Variants in GNL2 observed in about 807,000 individuals in gnomAD.
The protein encoded by GNL2 is nucleolar GTP-binding protein 2.
In GNL2, 51 loss-of-function variants were observed where a neutral mutation model predicts 92.3. The observed-to-expected ratio is 0.55, with a 90% confidence interval of 0.44 to 0.70. The LOEUF (loss-of-function observed/expected upper bound fraction) is 0.70. Ranked by LOEUF, GNL2 falls within the 30% of genes least tolerant of loss-of-function variation. GNL2 has a pLI of 0.00. For synonymous variants in GNL2, 283 were observed against 300.6 expected (o/e 0.94, Z 0.61); for missense variants, 844 against 895.6 (o/e 0.94, Z 0.74).
intron 8 of GNL2, among the ~76,000 whole-genome samples, chr1:37,579,323 G>A (rs991954311): frequency 6.6e-6 from 1 of 152,102 alleles, no homozygotes; most frequent in Non-Finnish European, 1.5e-5. Flanking sequence ...CGAGGGGGGC[G>A]GATCACCTGA....
intron 12 of GNL2, 185 bp from the exon 13 acceptor site, chr1:37,569,487 T>C (rs1643563053): frequency 1.7e-6 from 1 of 575,836 alleles, no homozygotes; most frequent in Non-Finnish European, 3.1e-6. Flanking sequence ...CAGAGATCAG[T>C]ACTAGGATCA....
rs534075709 is a variant in GNL2 at position 37,584,959 on chromosome 1, G to A, written c.570-1026C>T. The stretch of plus-strand genomic sequence containing the variant: ...TAGCCAGACGTGGTGGCGGGCACCT[G>A]TAATCCCAGCCACTCGGGAGGCTGA... On this transcript the variant is annotated intron_variant, in intron 5 of 15. Coordinates refer to ENST00000373062, the MANE Select transcript of GNL2 (RefSeq NM_013285.3). 3.9e-3 allele frequency among the ~76,000 whole-genome samples: 590 copies of A among 151,588 alleles called. 2 individuals carry two copies. Among genetic ancestry groups the A allele is most frequent in the Non-Finnish European group, 6.7e-3 (454 of 67,854 alleles).
In GNL2 at chr1:37,574,664, C is replaced by T; in HGVS notation, c.1302+1G>A. On this transcript the variant is annotated splice_donor_variant, in intron 11 of 15. Transcript: ENST00000373062. LOFTEE classifies it high-confidence loss of function. Reference sequence around the variant, plus strand: ...CTAAATTCTCACAAACGCCGGGTCACCTTTAGTAACTTCCCAGTCCGGAAA... The same window carrying T: ...CTAAATTCTCACAAACGCCGGGTCATCTTTAGTAACTTCCCAGTCCGGAAA... The T allele has an allele frequency of 3.1e-6, 5 of 1,613,560 alleles. No homozygotes were observed. The highest frequency in any genetic ancestry group is 4.2e-6 in the Non-Finnish European group (5 of 1,179,736).
intron 9 of GNL2, chr1:37,576,070 T>C: frequency 3.2e-6 from 1 of 314,060 alleles, no homozygotes; most frequent in Non-Finnish European, 5.9e-6. Flanking sequence ...TTCTAGGATA[T>C]GACCCCCAAC....
Position 37,587,290 on chromosome 1 carries a change from G to A in GNL2, c.569+21C>T, listed in dbSNP as rs779266726. Reference sequence around the variant, plus strand: ...TCAAAAAAAAAAAAACAAAAACAAAGAAGCAAAAAAAAAAATGTACCTCAC... The same window carrying A: ...TCAAAAAAAAAAAAACAAAAACAAAAAAGCAAAAAAAAAAATGTACCTCAC... On this transcript the variant is annotated intron_variant, in intron 5 of 15. Transcript: ENST00000373062. 1.7e-4 allele frequency: 243 copies of A among 1,427,610 alleles called. 1 individual carries two copies. Among genetic ancestry groups the A allele is most frequent in the East Asian group, 1.5e-4 (6 of 40,508 alleles). 88.4% of individuals were successfully genotyped at this position (1,427,610 alleles called of 1,614,324 possible).
intron 13 of GNL2, 56 bp from the exon 14 acceptor site, chr1:37,568,413 G>T: frequency 9.4e-7 from 1 of 1,068,406 alleles, no homozygotes. Context: ...ATCACATACT[G>T]ACCTGGAGAC....
At position 37,592,826 on chromosome 1, in the gene GNL2, G is replaced by GAT; in HGVS notation, c.150-22_150-21dup. 3 of 1,350,842 alleles carry GAT rather than the reference G, an allele frequency of 2.2e-6. No individual in the cohort carries two copies. In the South Asian group the frequency reaches 3.6e-5, roughly 16 times the overall value. 83.7% of individuals were successfully genotyped at this position (1,350,842 alleles called of 1,614,324 possible). A position where few individuals can be genotyped will look rare whatever the true frequency, so the allele number is the denominator to read the frequency against. ...CTGTTCCTAAATTGAGGAAAGAACA[G>GAT]ATATTGGTTGACAACAGAAAAATGG... On this transcript the variant is annotated intron_variant, in intron 2 of 15. Transcript: ENST00000373062.
At chr1:37,579,339 G>A (rs950184250) in intron 8 of GNL2, among the ~76,000 whole-genome samples, 1 of 151,622 alleles carries the variant, frequency 6.6e-6, no homozygotes, top group Non-Finnish European at 1.5e-5. Flanking sequence ...CCTGAGGTCG[G>A]AAGTTTGAGA....
At chr1:37,593,186 A>G (rs1419008050) in intron 2 of GNL2, among the ~76,000 whole-genome samples, 1 of 152,236 alleles carries the variant, frequency 6.6e-6, no homozygotes, top group Non-Finnish European at 1.5e-5. Context: ...AAATTCTAAA[A>G]CAAACTGCAA....
chr1:37,567,031 TGAA>T, intron 15 of GNL2, 24 bp from the exon 16 acceptor site: 5 of 1,599,436 alleles, frequency 3.1e-6, no homozygotes, highest in Non-Finnish European at 4.3e-6. Context: ...CAAGAAAAGA[TGAA>T]GAAAAAAAAC....
At chr1:37,593,525 A>C in intron 2 of GNL2, 1 of 462,682 alleles carries the variant, frequency 2.2e-6, no homozygotes, top group Non-Finnish European at 3.8e-6. Context: ...GGGCTGTGAG[A>C]AACAAGACCT....
intron 11 of GNL2, 93 bp downstream of exon 11, chr1:37,574,572 C>T (rs1643647231): frequency 1.1e-5 from 15 of 1,390,452 alleles, no homozygotes; most frequent in Non-Finnish European, 1.4e-5. Flanking sequence ...AAGTTTCACA[C>T]TGCTCATACA....
At chr1:37,585,463 G>A (rs1227847878) in intron 5 of GNL2, among the ~76,000 whole-genome samples, 2 of 152,120 alleles carry the variant, frequency 1.3e-5, no homozygotes, top group Non-Finnish European at 2.9e-5. Flanking sequence ...GGAATTGGCA[G>A]GACCTGAATC....
In GNL2 at chr1:37,566,941, C is replaced by G. The variant is rs558211610; in HGVS notation, c.2110G>C (p.Val704Leu). 5 of 1,613,874 alleles carry G rather than the reference C, an allele frequency of 3.1e-6. No individual in the cohort carries two copies. The highest frequency in any genetic ancestry group is 4.5e-5 in the East Asian group (2 of 44,898). ...VGVRYYETHN[V>L]KNRNRNKKKT... is the part of the protein sequence containing the mutation. The stretch of plus-strand genomic sequence containing the variant: ...TTTTTGTTCCTGTTCCTATTTTTCA[C>G]GTTGTGTGTTTCATAGTAGCGCACA... The change falls in exon 16 of 16, where the codon GTG (valine) becomes CTG (leucine). Residue 704 changes from valine (V) to leucine (L), a missense_variant. Val to Leu is a conservative substitution (Grantham distance 32). Coordinates refer to ENST00000373062, the MANE Select transcript of GNL2 (RefSeq NM_013285.3).
chr1:37,574,866 G>A, intron 10 of GNL2, 43 bp from the exon 11 acceptor site: 1 of 1,475,558 alleles, frequency 6.8e-7, no homozygotes, highest in Non-Finnish European at 9.4e-7. Context: ...ACTTTGTTGT[G>A]GAAGCAGTGA....
chr1:37,581,376 C>T (rs142702983), intron 8 of GNL2: 82 of 456,064 alleles, frequency 1.8e-4, no homozygotes, highest in Middle Eastern at 9.8e-4. Flanking sequence ...ATAGGGTAGT[C>T]TGGTTCCACG....
In GNL2 at chr1:37,584,201, C is replaced by T. The variant is rs1643816081; in HGVS notation, c.570-268G>A. On this transcript the variant is annotated intron_variant, in intron 5 of 15. Transcript: ENST00000373062. Reference sequence around the variant, plus strand: ...CAGTGGCTCACACCTGTAATTCCAGCACTTTGGGAGGCCAAGGAGGGCAGA... The same window carrying T: ...CAGTGGCTCACACCTGTAATTCCAGTACTTTGGGAGGCCAAGGAGGGCAGA... Among the ~76,000 whole-genome samples the T allele has an allele frequency of 2.0e-5, 3 of 152,168 alleles. No individual in the cohort carries two copies. In the South Asian group the frequency reaches 6.2e-4, roughly 31 times the overall value.
rs1365963010 is a variant in GNL2, at chr1:37,574,583, T to C, written c.1302+82A>G. 4.2e-6 allele frequency: 6 copies of C among 1,422,202 alleles called. No homozygotes were observed. In the Admixed American group the frequency reaches 5.3e-5, roughly 12 times the overall value. The allele number at this position is 1,422,202 out of a possible 1,614,324, so 88.1% of individuals were successfully genotyped here. ...TGACAAGTTTCACACTGCTCATACATGCATACCAAAAAAAGGCCCATATCA... is the reference window on the plus strand; with the variant it reads ...TGACAAGTTTCACACTGCTCATACACGCATACCAAAAAAAGGCCCATATCA... On this transcript the variant is annotated intron_variant, in intron 11 of 15. Coordinates refer to ENST00000373062, the MANE Select transcript of GNL2 (RefSeq NM_013285.3).
In GNL2 at chr1:37,587,322, G is replaced by A. The variant is rs768163149; in HGVS notation, c.558C>T (p.Asp186=). The A allele has an allele frequency of 1.3e-6, 2 of 1,585,936 alleles. No homozygotes were observed. Among genetic ancestry groups the A allele is most frequent in the Admixed American group, 1.8e-5 (1 of 56,712 alleles). The change falls in exon 5 of 16, where the codon GAC becomes GAT. Residue 186 remains aspartate (D), a synonymous_variant. Coordinates refer to ENST00000373062, the MANE Select transcript of GNL2 (RefSeq NM_013285.3). ...AAAAAAAAATGTACCTCACACCAGTGTCTTCAGTTACCAAATCACGATCCT... is the reference window on the plus strand; with the variant it reads ...AAAAAAAAATGTACCTCACACCAGTATCTTCAGTTACCAAATCACGATCCT... ...QGKDRDLVTE[D]TGVRNEAQEE...
Sources: gnomAD v4.1 joint callset for allele counts (sites outside exome capture counted in the v4.1 genomes callset) on GRCh38, gnomAD v4.1.1 for gene constraint, MANE v1.5 for transcripts, NCBI Gene and HGNC (gene_info 2026-07-23, HGNC 2026-07-21) for gene names.